Variants in ADAMTSL1 observed in about 807,000 individuals in gnomAD.
ADAMTSL1 encodes the protein ADAMTS-like protein 1.
In ADAMTSL1, 126 loss-of-function variants were observed where a neutral mutation model predicts 201.8. The ratio of observed to expected loss-of-function variants is 0.62; its 90% CI spans 0.54 to 0.72. ADAMTSL1 has a LOEUF of 0.72. Ranked by LOEUF, ADAMTSL1 falls within the 30% of genes least tolerant of loss-of-function variation. ADAMTSL1 has a pLI of 0.00. For missense variants in ADAMTSL1, 2,679 were observed against 2,277.8 expected, an observed-to-expected ratio of 1.18 and a Z score of -3.59; for synonymous variants, 1,121 against 903.4, an observed-to-expected ratio of 1.24 and a Z score of -4.32.
intron 17 of ADAMTSL1, among the ~76,000 whole-genome samples, chr9:18,771,174 C>G (rs932484967): frequency 6.6e-6 from 1 of 152,182 alleles, no homozygotes; most frequent in Non-Finnish European, 1.5e-5. Context: ...TCAGGAAGGG[C>G]AAAGCCTCTC....
At chr9:18,257,967 G>A (rs1303115069) in intron 2 of ADAMTSL1, among the ~76,000 whole-genome samples, 1 of 152,112 alleles carries the variant, frequency 6.6e-6, no homozygotes, top group African/African-American at 2.4e-5. Context: ...AGGAAGGAGG[G>A]AAAAAGGAGT....
intron 1 of ADAMTSL1, among the ~76,000 whole-genome samples, chr9:17,983,473 G>T (rs910385742): frequency 1.3e-5 from 2 of 152,054 alleles, no homozygotes; most frequent in African/African-American, 4.8e-5. Context: ...TTAGCATTTA[G>T]TGTCAAAATA....
rs1216491672 is a variant in ADAMTSL1 at position 18,111,549 on chromosome 9, A to G, written c.88-52313A>G. Among the ~76,000 whole-genome samples the G allele has an allele frequency of 2.6e-5, 4 of 152,146 alleles. No homozygotes were observed. In the South Asian group the frequency reaches 8.3e-4, roughly 32 times the overall value. ...CTGCCAAAAAAGAAAGCTGTGCAAA[A>G]CCTATCATCATCATTGTCAATAAAT... On this transcript the variant is annotated intron_variant, in intron 1 of 29. Coordinates refer to the ADAMTSL1 transcript ENST00000680146.
rs76363794 is a variant in ADAMTSL1 at position 18,230,311 on chromosome 9, C to T, written c.207+66330C>T. Among the ~76,000 whole-genome samples the T allele has an allele frequency of 6.4e-3, 975 of 152,128 alleles. 16 individuals are homozygous for T. The highest frequency in any genetic ancestry group is 0.022 in the African/African-American group (911 of 41,504). ...GCTTTTCCTGGATTCAATATGATAC[C>T]GGCCTACATGGGGAAGCCTGGAAGT... On this transcript the variant is annotated intron_variant, in intron 2 of 29. Transcript: ENST00000680146.
At chr9:18,117,422 T>C (rs911539700) in intron 1 of ADAMTSL1, among the ~76,000 whole-genome samples, 16 of 152,134 alleles carry the variant, frequency 1.1e-4, no homozygotes, top group African/African-American at 3.9e-4. Flanking sequence ...GGCACACTCC[T>C]GCCTCAGAGC....
intron 2 of ADAMTSL1, among the ~76,000 whole-genome samples, chr9:18,425,186 C>T (rs930639072): frequency 2.6e-5 from 4 of 151,796 alleles, no homozygotes; most frequent in African/African-American, 9.7e-5. Flanking sequence ...TCGTTTCCTC[C>T]CTCCCCCACT....
intron 2 of ADAMTSL1, among the ~76,000 whole-genome samples, chr9:18,191,075 G>T (rs1828949675): frequency 6.6e-6 from 1 of 152,160 alleles, no homozygotes; most frequent in Non-Finnish European, 1.5e-5. Context: ...GACTCCAAAA[G>T]AAATATTTAG....
intron 3 of ADAMTSL1, among the ~76,000 whole-genome samples, chr9:18,548,305 A>C (rs1366169159): frequency 3.3e-5 from 5 of 152,024 alleles, no homozygotes; most frequent in African/African-American, 1.2e-4. Flanking sequence ...TCCTTTTGGC[A>C]GTCTATTTAG....
intron 2 of ADAMTSL1, among the ~76,000 whole-genome samples, chr9:18,350,557 C>A (rs189852668): frequency 6.6e-6 from 1 of 152,062 alleles, no homozygotes; most frequent in East Asian, 1.9e-4. Context: ...TCTAGAAATA[C>A]AAGGAAATTG....
At chr9:18,878,983 C>G (rs538785233) in intron 23 of ADAMTSL1, among the ~76,000 whole-genome samples, 3 of 152,110 alleles carry the variant, frequency 2.0e-5, no homozygotes, top group Non-Finnish European at 2.9e-5. Flanking sequence ...CAAACTAGGA[C>G]CAACTACTGA....
chr9:17,992,816 T>C (rs1819215216), intron 1 of ADAMTSL1, among the ~76,000 whole-genome samples: 1 of 152,210 alleles, frequency 6.6e-6, no homozygotes. Flanking sequence ...GTCATACAAC[T>C]AGAGAGTAAG....
At chr9:17,975,727 C>T (rs1203835603) in intron 1 of ADAMTSL1, among the ~76,000 whole-genome samples, 2 of 152,024 alleles carry the variant, frequency 1.3e-5, no homozygotes, top group Non-Finnish European at 2.9e-5. Context: ...TTTAGTTTGA[C>T]ATATACCCAC....
intron 7 of ADAMTSL1, among the ~76,000 whole-genome samples, chr9:18,648,153 G>T (rs1167433480): frequency 7.0e-6 from 1 of 141,974 alleles, no homozygotes; most frequent in African/African-American, 2.5e-5. Context: ...GGCCTTCTTT[G>T]TCTCTTTTGA....
rs1333046748 is a variant in ADAMTSL1 at position 18,657,702 on chromosome 9, C to G, written c.898C>G (p.Arg300Gly). 8 of 1,614,202 alleles carry G rather than the reference C, an allele frequency of 5.0e-6. No homozygotes were observed. Among genetic ancestry groups the G allele is most frequent in the Non-Finnish European group, 5.1e-6 (6 of 1,180,016 alleles). Residue 300 changes from arginine (R) to glycine (G), a missense_variant, in exon 8 of 29, where the codon CGA becomes GGA. Physicochemically the swap from Arg to Gly is moderately radical, Grantham distance 125. Transcript: ENST00000380548. ...QFIFYQPIIH[R>G]WRETDFFPCS... ...CATCTTCTATCAACCCATCATCCAC[C>G]GATGGAGGGAGACGGATTTCTTTCC...
At chr9:18,584,673 A>C (rs1242829888) in intron 4 of ADAMTSL1, among the ~76,000 whole-genome samples, 1 of 152,198 alleles carries the variant, frequency 6.6e-6, no homozygotes, top group East Asian at 1.9e-4. Flanking sequence ...ATGCCTAGAT[A>C]GCTGCTGAAG....
At chr9:18,251,802 A>C (rs1328702528) in intron 2 of ADAMTSL1, among the ~76,000 whole-genome samples, 2 of 152,220 alleles carry the variant, frequency 1.3e-5, no homozygotes, top group African/African-American at 4.8e-5. Flanking sequence ...GTAAATATCC[A>C]GAAATAGTTT....
At chr9:18,445,531 G>A (rs1489487142) in intron 2 of ADAMTSL1, among the ~76,000 whole-genome samples, 2 of 151,980 alleles carry the variant, frequency 1.3e-5, no homozygotes, top group Non-Finnish European at 2.9e-5. Context: ...ATATTATTCT[G>A]TGGTTTCAAA....
At chr9:18,123,966 C>G (rs754725457) in intron 1 of ADAMTSL1, among the ~76,000 whole-genome samples, 4 of 150,878 alleles carry the variant, frequency 2.7e-5, no homozygotes, top group Non-Finnish European at 5.9e-5. Flanking sequence ...TTATTATTGT[C>G]TGTTATTTTA....
intron 1 of ADAMTSL1, among the ~76,000 whole-genome samples, chr9:18,027,477 A>G (rs1054127471): frequency 2.0e-5 from 3 of 151,906 alleles, no homozygotes; most frequent in Non-Finnish European, 4.4e-5. Flanking sequence ...TTTACCCAAA[A>G]GTAATTCAGG....
Sources: gnomAD v4.1 joint callset for allele counts (sites outside exome capture counted in the v4.1 genomes callset) on GRCh38, gnomAD v4.1.1 for gene constraint, MANE v1.5 for transcripts, NCBI Gene and HGNC (gene_info 2026-07-23, HGNC 2026-07-21) for gene names.